Variants in NRXN1 observed in about 807,000 individuals in gnomAD.
The protein encoded by NRXN1 is neurexin 1.
A neutral mutation model predicts 150.9 loss-of-function variants in NRXN1; 39 were observed. The observed-to-expected ratio is 0.26, with a 90% CI of 0.20 to 0.34. NRXN1 has a LOEUF of 0.34. Ranked by LOEUF, NRXN1 falls within the 10% of genes least tolerant of loss-of-function variation. The probability of loss-of-function intolerance (pLI) is 1.00; values close to 1 mark genes in which losing one functional copy is unlikely to be tolerated. For synonymous variants in NRXN1, 924 were observed against 757.0 expected, an observed-to-expected ratio of 1.22 and a Z score of -3.62; for missense variants, 1,815 against 1,949.9, an observed-to-expected ratio of 0.93 and a Z score of 1.30.
chr2:49,923,597 ATTAATT>A (rs545467377), intron 22 of NRXN1, among the ~76,000 whole-genome samples: 297 of 152,294 alleles, frequency 2.0e-3, no homozygotes, highest in African/African-American at 6.9e-3. Context: ...TCATTTAGTA[ATTAATT>A]TTAATATTTC....
chr2:50,557,135 A>G (rs1445632239), intron 8 of NRXN1, among the ~76,000 whole-genome samples: 1 of 152,198 alleles, frequency 6.6e-6, no homozygotes, highest in African/African-American at 2.4e-5. Context: ...AGTTTTGTAC[A>G]GATGGTGCTA....
At chr2:50,786,423 C>T (rs985507718) in intron 5 of NRXN1, among the ~76,000 whole-genome samples, 9 of 152,110 alleles carry the variant, frequency 5.9e-5, no homozygotes, top group Admixed American at 4.6e-4. Flanking sequence ...ATGAAGGAAA[C>T]CACTGCGTGC....
chr2:50,019,220 C>G (rs1344621279), intron 21 of NRXN1: 1 of 471,426 alleles, frequency 2.1e-6, no homozygotes, highest in Non-Finnish European at 4.4e-6. Flanking sequence ...TAGTCATTCT[C>G]TCAGTTTAGT....
intron 19 of NRXN1, among the ~76,000 whole-genome samples, chr2:50,089,562 A>G (rs1202020163): frequency 6.6e-6 from 1 of 152,098 alleles, no homozygotes; most frequent in Non-Finnish European, 1.5e-5. Flanking sequence ...CGAGGCAGGA[A>G]GATCACTTAA....
At chr2:50,036,281 T>C (rs1334849712) in intron 21 of NRXN1, among the ~76,000 whole-genome samples, 1 of 152,132 alleles carries the variant, frequency 6.6e-6, no homozygotes, top group East Asian at 1.9e-4. Flanking sequence ...GCATTCATTC[T>C]CCTTCCTGCT....
chr2:50,336,624 C>T (rs908744145), intron 17 of NRXN1, among the ~76,000 whole-genome samples: 8 of 152,116 alleles, frequency 5.3e-5, no homozygotes, highest in South Asian at 2.1e-4. Flanking sequence ...ATCATGACTG[C>T]GCTTGCAAAT....
chr2:50,749,541 T>A (rs1045026969), intron 5 of NRXN1, among the ~76,000 whole-genome samples: 1 of 151,990 alleles, frequency 6.6e-6, no homozygotes, highest in African/African-American at 2.4e-5. Context: ...AGGCTCAGAA[T>A]AAAGAAAATA....
At chr2:50,507,636 C>CA (rs71404959) in intron 12 of NRXN1, among the ~76,000 whole-genome samples, 36,220 of 107,236 alleles carry the variant, frequency 0.34, 6,639 homozygotes, top group East Asian at 0.51. Flanking sequence ...TCCGTCACCT[C>CA]AAAAAAAAAA....
chr2:50,268,703 A>G (rs2069186619), intron 17 of NRXN1, among the ~76,000 whole-genome samples: 1 of 152,150 alleles, frequency 6.6e-6, no homozygotes, highest in Non-Finnish European at 1.5e-5. Flanking sequence ...ATTGTCTGTG[A>G]GATCTTTGCT....
chr2:50,628,656 G>C (rs781215378), intron 5 of NRXN1, among the ~76,000 whole-genome samples: 1 of 151,644 alleles, frequency 6.6e-6, no homozygotes, highest in African/African-American at 2.4e-5. Flanking sequence ...AACACTTAAA[G>C]AATAAGTCTA....
At chr2:50,811,269 C>T (rs1036884372) in intron 5 of NRXN1, among the ~76,000 whole-genome samples, 5 of 152,124 alleles carry the variant, frequency 3.3e-5, no homozygotes, top group African/African-American at 1.2e-4. Context: ...TTTCCTAACT[C>T]ACCATCTCTC....
At chr2:49,938,902 A>C (rs1364710049) in intron 22 of NRXN1, among the ~76,000 whole-genome samples, 1 of 152,186 alleles carries the variant, frequency 6.6e-6, no homozygotes, top group African/African-American at 2.4e-5. Context: ...GAGGGCCCCC[A>C]AACTAAGAGA....
chr2:50,163,186 A>ATATATATATATATATATATATATAT (rs10671380), intron 18 of NRXN1, among the ~76,000 whole-genome samples: 6 of 143,524 alleles, frequency 4.2e-5, no homozygotes, highest in Non-Finnish European at 7.6e-5. Context: ...ATATATATAT[A>ATATATATATATATATATATATATAT]AAACAATACT....
chr2:50,396,732 T>G (rs529602123), intron 17 of NRXN1, among the ~76,000 whole-genome samples: 2 of 152,182 alleles, frequency 1.3e-5, no homozygotes, highest in African/African-American at 2.4e-5. Context: ...AAAATACTGA[T>G]CACGGTGCTC....
chr2:50,731,869 G>T (rs1041567684), intron 5 of NRXN1, among the ~76,000 whole-genome samples: 5 of 152,138 alleles, frequency 3.3e-5, no homozygotes, highest in African/African-American at 1.2e-4. Flanking sequence ...GGCATGCCTT[G>T]TTTTCGTTTG....
chr2:50,130,247 C>A (rs1242377941), intron 18 of NRXN1, among the ~76,000 whole-genome samples: 2 of 152,030 alleles, frequency 1.3e-5, no homozygotes, highest in African/African-American at 2.4e-5. Context: ...GTGTAGAGAG[C>A]TCAAAATTTC....
chr2:50,348,849 T>G (rs1056827790), intron 17 of NRXN1, among the ~76,000 whole-genome samples: 1 of 151,990 alleles, frequency 6.6e-6, no homozygotes, highest in African/African-American at 2.4e-5. Context: ...TTTTTTTTTT[T>G]GTCTTTATTT....
chr2:50,790,560 G>T (rs1705799114), intron 5 of NRXN1, among the ~76,000 whole-genome samples: 2 of 152,298 alleles, frequency 1.3e-5, no homozygotes, highest in South Asian at 4.1e-4. Flanking sequence ...GAGAGAGGTT[G>T]CAGAGATATT....
rs1400925553 is a variant in NRXN1 at position 50,021,497 on chromosome 2, A to T, written c.4128+31774T>A. Among the ~76,000 whole-genome samples the T allele has an allele frequency of 3.3e-5, 5 of 152,298 alleles. No individual in the cohort carries two copies. The East Asian group carries it at 9.7e-4, about 29-fold the overall frequency. ...TTTGCATTTCTTTTGAATATCTCCTATGGAATATATCACATAGTTACTAAA... is the reference window on the plus strand; with the variant it reads ...TTTGCATTTCTTTTGAATATCTCCTTTGGAATATATCACATAGTTACTAAA... On this transcript the variant is annotated intron_variant, in intron 21 of 22. Coordinates refer to ENST00000401669, the MANE Select transcript of NRXN1 (RefSeq NM_001330078.2).
Sources: gnomAD v4.1 joint callset for allele counts (sites outside exome capture counted in the v4.1 genomes callset) on GRCh38, gnomAD v4.1.1 for gene constraint, MANE v1.5 for transcripts, NCBI Gene and HGNC (gene_info 2026-07-23, HGNC 2026-07-21) for gene names.